SPMIP2: variants seen among roughly 807,000 people sequenced by gnomAD.
The protein encoded by SPMIP2 is protein SPMIP2.
At chr4:159,076,386 T>A in the SPMIP2 span, among the ~76,000 whole-genome samples, 1 of 152,258 alleles carries the variant, frequency 6.6e-6, no homozygotes, top group African/African-American at 2.4e-5. Flanking sequence ...TTTTTGTAAC[T>A]GCTGTTTTGA....
At chr4:158,967,334 T>A in the SPMIP2 span, among the ~76,000 whole-genome samples, 2 of 152,186 alleles carry the variant, frequency 1.3e-5, no homozygotes, top group Non-Finnish European at 2.9e-5. Context: ...GGTCAGCATG[T>A]GGTACTCTCG....
the SPMIP2 span, among the ~76,000 whole-genome samples, chr4:158,999,385 C>T: frequency 1.3e-5 from 2 of 152,154 alleles, no homozygotes; most frequent in Admixed American, 6.6e-5. Flanking sequence ...TTAGGAAGGG[C>T]TTGTCTATTT....
At chr4:159,034,435 G>T in the SPMIP2 span, among the ~76,000 whole-genome samples, 1 of 152,212 alleles carries the variant, frequency 6.6e-6, no homozygotes, top group Non-Finnish European at 1.5e-5. Flanking sequence ...CATCAAAGAA[G>T]TTTCTCTTGC....
chr4:158,976,099 G>T, the SPMIP2 span, among the ~76,000 whole-genome samples: 38 of 149,890 alleles, frequency 2.5e-4, no homozygotes, highest in African/African-American at 8.5e-4. Flanking sequence ...GGCTATTATT[G>T]GTTTATAGAA....
the SPMIP2 span, among the ~76,000 whole-genome samples, chr4:158,954,740 A>G: frequency 6.6e-6 from 1 of 152,224 alleles, no homozygotes; most frequent in Non-Finnish European, 1.5e-5. Context: ...ATTAGAAAAT[A>G]AAAACAGGCA....
chr4:158,946,515 G>T, the SPMIP2 span, among the ~76,000 whole-genome samples: 1 of 152,076 alleles, frequency 6.6e-6, no homozygotes, highest in Admixed American at 6.5e-5. Context: ...TTAAAAGTTT[G>T]GCACCTCCCC....
the SPMIP2 span, among the ~76,000 whole-genome samples, chr4:159,082,465 G>GTGTGTATGTGTGTGTGTGTGTGTGTA: frequency 3.0e-3 from 443 of 149,310 alleles, 2 homozygotes; most frequent in African/African-American, 9.7e-3. Context: ...GTGTGTGTGT[G>GTGTGTATGTGTGTGTGTGTGTGTGTA]TGTGTGTGTG....
At chr4:159,065,457 C>T in the SPMIP2 span, among the ~76,000 whole-genome samples, 1 of 152,116 alleles carries the variant, frequency 6.6e-6, no homozygotes, top group Admixed American at 6.5e-5. Flanking sequence ...TTGGCTCACA[C>T]CTGTAATCCC....
At chr4:158,982,318 G>A in the SPMIP2 span, among the ~76,000 whole-genome samples, 3 of 152,094 alleles carry the variant, frequency 2.0e-5, no homozygotes, top group Non-Finnish European at 4.4e-5. Context: ...AGATCAACAG[G>A]ACAGAAAATT....
chr4:158,908,396 T>TA, the SPMIP2 span, among the ~76,000 whole-genome samples: 3 of 152,216 alleles, frequency 2.0e-5, no homozygotes, highest in African/African-American at 4.8e-5. Context: ...CTGCTATACA[T>TA]AAAAAACACA....
At chr4:159,082,823 C>T in the SPMIP2 span, among the ~76,000 whole-genome samples, 1 of 152,142 alleles carries the variant, frequency 6.6e-6, no homozygotes, top group African/African-American at 2.4e-5. Context: ...TGGCTCATGT[C>T]TATAATCCCA....
chr4:159,061,086 A>G, the SPMIP2 span, among the ~76,000 whole-genome samples: 3 of 12,434 alleles, frequency 2.4e-4, no homozygotes, highest in African/African-American at 1.2e-3. Flanking sequence ...CCCTATCTCA[A>G]AAAAAAAAAT....
At chr4:158,965,257 T>A in the SPMIP2 span, among the ~76,000 whole-genome samples, 2 of 152,198 alleles carry the variant, frequency 1.3e-5, no homozygotes, top group Non-Finnish European at 2.9e-5. Context: ...AGGATTTTTT[T>A]TTTTTTTAAA....
chr4:158,953,052 C>A, the SPMIP2 span, among the ~76,000 whole-genome samples: 1 of 152,112 alleles, frequency 6.6e-6, no homozygotes, highest in African/African-American at 2.4e-5. Context: ...AAAAGAAAAA[C>A]CCATTTTCTG....
chr4:158,895,020 G>A, the SPMIP2 span, among the ~76,000 whole-genome samples: 1 of 152,180 alleles, frequency 6.6e-6, no homozygotes, highest in Non-Finnish European at 1.5e-5. Context: ...GTGTCTTACT[G>A]AAGATGCTCG....
At chr4:159,017,768 A>G in the SPMIP2 span, among the ~76,000 whole-genome samples, 6 of 152,202 alleles carry the variant, frequency 3.9e-5, no homozygotes, top group Non-Finnish European at 8.8e-5. Flanking sequence ...CCAGTGCAGG[A>G]AAGTGATTCA....
chr4:158,960,507 C>T, the SPMIP2 span, among the ~76,000 whole-genome samples: 1 of 151,998 alleles, frequency 6.6e-6, no homozygotes, highest in Non-Finnish European at 1.5e-5. Context: ...GCTTTTGATT[C>T]CTGAACAGAG....
the SPMIP2 span, among the ~76,000 whole-genome samples, chr4:158,895,125 G>C: frequency 6.6e-6 from 1 of 152,114 alleles, no homozygotes; most frequent in African/African-American, 2.4e-5. Flanking sequence ...ACTATTCCAA[G>C]GGTAAAGATG....
At chr4:159,037,908 C>T in the SPMIP2 span, among the ~76,000 whole-genome samples, 1 of 151,266 alleles carries the variant, frequency 6.6e-6, no homozygotes, top group Admixed American at 6.6e-5. Context: ...TATCTTTTAC[C>T]TTGCTTTTTT....
Sources: allele counts gnomAD v4.1 joint callset (sites outside exome capture counted in the v4.1 genomes callset), GRCh38; gene constraint gnomAD v4.1.1; transcripts MANE v1.5; gene names NCBI Gene and HGNC (gene_info 2026-07-23, HGNC 2026-07-21).